Variants in DCTN1 observed in about 807,000 individuals in gnomAD.
DCTN1 encodes 150 kDa dynein-associated polypeptide.
A neutral mutation model predicts 161.2 loss-of-function variants in DCTN1; 61 were observed. That is an observed-to-expected ratio of 0.38 (90% CI 0.31 to 0.47). DCTN1 has a LOEUF of 0.47. Among genes scored for constraint, DCTN1 ranks in the 20% least tolerant of loss-of-function variants. The probability of loss-of-function intolerance (pLI) is 0.99; values close to 1 mark genes in which losing one functional copy is unlikely to be tolerated. For synonymous variants in DCTN1, 653 were observed against 632.4 expected (o/e 1.03, Z -0.49); for missense variants, 1,404 against 1,623.7 (o/e 0.86, Z 2.33).
chr2:74,381,526 G>A (rs182002698), upstream of DCTN1, among the ~76,000 whole-genome samples: 6 of 152,070 alleles, frequency 3.9e-5, no homozygotes, highest in East Asian at 3.9e-4. Context: ...TCTCCATGTC[G>A]CCCCCTCCTT....
Position 74,361,186 on chromosome 2 carries a change from T to G in DCTN1, c.*313A>C. The G allele has an allele frequency of 2.1e-6, 1 of 486,338 alleles. No homozygotes were observed. The highest frequency in any genetic ancestry group is 4.0e-6 in the Non-Finnish European group (1 of 251,650). The allele number at this position is 486,338 out of a possible 1,614,324, so 30.1% of individuals were successfully genotyped here. On this transcript the variant is annotated 3_prime_UTR_variant, in exon 32 of 32. Transcript: ENST00000628224. ...AGCAGAAGTTGCTTTAATCAAGGGG[T>G]GAAGTCCTCAATCAAGGGGACCTCA...
intron 20 of DCTN1, 46 bp from the exon 21 acceptor site, chr2:74,366,978 G>C (rs747707979): frequency 1.2e-6 from 2 of 1,614,164 alleles, no homozygotes; most frequent in Admixed American, 3.3e-5. Flanking sequence ...TTAGCATTAA[G>C]GCTCGGAGTA....
rs755052321 is a variant in DCTN1 at position 74,377,422 on chromosome 2, A to C, written c.393+10T>G. 3.1e-6 allele frequency: 5 copies of C among 1,611,866 alleles called. No individual in the cohort carries two copies. The East Asian group carries it at 1.1e-4, about 36-fold the overall frequency. On this transcript the variant is annotated intron_variant, in intron 4 of 31. Coordinates refer to ENST00000628224, the MANE Select transcript of DCTN1 (RefSeq NM_004082.5). ...TTATTATTCCCCATTCCCACCCCCA[A>C]ATCACTCACCAGTTTGCTAGTCTTT...
At chr2:74,382,371 C>T (rs945447358), upstream of DCTN1, among the ~76,000 whole-genome samples, 2 of 151,654 alleles carry the variant, frequency 1.3e-5, no homozygotes, top group African/African-American at 2.4e-5. Context: ...AGGCTGAGGC[C>T]GGTGGCTCAC....
intron 1 of DCTN1, among the ~76,000 whole-genome samples, chr2:74,389,466 C>T (rs1675894078): frequency 6.6e-6 from 1 of 152,126 alleles, no homozygotes; most frequent in Non-Finnish European, 1.5e-5. Context: ...CTCCAAGCAG[C>T]TGCTAGCAAT....
At position 74,366,873 on chromosome 2, in the gene DCTN1, A is replaced by ACTT. The variant is rs1674454255; in HGVS notation, c.2375_2376insAAG (p.Cys791_Ser792insArg). The ACTT allele has an allele frequency of 6.2e-7, 1 of 1,614,204 alleles. No individual in the cohort carries two copies. Among genetic ancestry groups the ACTT allele is most frequent in the Non-Finnish European group, 8.5e-7 (1 of 1,180,038 alleles). ...TCTTCTTGCAGAACTGGCGGATGTC[A>ACTT]CTGCATGAAGTTTCCAGATCCCGGA... On this transcript the variant is annotated inframe_insertion, in exon 21 of 32. Transcript: ENST00000628224.
At chr2:74,374,747 A>G in intron 5 of DCTN1, 1 of 1,160,532 alleles carries the variant, frequency 8.6e-7, no homozygotes. Context: ...CTCCTCAGTC[A>G]CCTAGCAACC....
Position 74,366,444 on chromosome 2 carries a change from G to A in DCTN1, c.2628+15C>T. ...TAACTCTCCCCACACCTTCTACCCAGCCATCCAGGCCCACCTGCTCGCTTG... is the reference window on the plus strand; with the variant it reads ...TAACTCTCCCCACACCTTCTACCCAACCATCCAGGCCCACCTGCTCGCTTG... On this transcript the variant is annotated intron_variant, in intron 22 of 31. Coordinates refer to ENST00000628224, the MANE Select transcript of DCTN1 (RefSeq NM_004082.5). The A allele has an allele frequency of 1.2e-6, 2 of 1,614,204 alleles. No individual in the cohort carries two copies. Among genetic ancestry groups the A allele is most frequent in the Non-Finnish European group, 1.7e-6 (2 of 1,180,046 alleles).
At chr2:74,374,217 G>A (rs567736946) in intron 6 of DCTN1, 106 bp downstream of exon 6, 33 of 1,273,050 alleles carry the variant, frequency 2.6e-5, no homozygotes, top group East Asian at 1.2e-4. Flanking sequence ...CCGCCTCCCC[G>A]ACCAGGTAGA....
intron 1 of DCTN1, among the ~76,000 whole-genome samples, chr2:74,387,733 T>C (rs1488365067): frequency 6.6e-6 from 1 of 152,116 alleles, no homozygotes; most frequent in East Asian, 1.9e-4. Context: ...TCTATGATAT[T>C]ACAAGAGTCT....
intron 24 of DCTN1, 115 bp from the exon 25 acceptor site, chr2:74,365,772 T>G (rs1674361133): frequency 6.2e-7 from 1 of 1,610,918 alleles, no homozygotes; most frequent in Admixed American, 1.7e-5. Flanking sequence ...TCCCATTGAT[T>G]GCAGGCCCCA....
intron 1 of DCTN1, 122 bp downstream of exon 1, chr2:74,379,883 C>T: frequency 9.8e-7 from 1 of 1,019,378 alleles, no homozygotes; most frequent in East Asian, 2.5e-5. Context: ...TTAGAAAACA[C>T]AGTCTGAGTG....
chr2:74,365,905 T>G lies in DCTN1; in HGVS notation c.2874A>C (p.Ser958=), dbSNP rs1674370725. The G allele has an allele frequency of 5.6e-6, 9 of 1,614,208 alleles. No individual in the cohort carries two copies. Among genetic ancestry groups the G allele is most frequent in the Non-Finnish European group, 7.6e-6 (9 of 1,180,034 alleles). ...ACACTACCCTCACCTTAATCTTGAG[T>G]GACTTCTTCAACTCCTTAATAACTG... ...RETVIKELKK[S]LKIKGEELSE... The change falls in exon 24 of 32, where the codon TCA becomes TCC. Residue 958 remains serine, a synonymous_variant. Transcript: ENST00000628224.
At position 74,363,308 on chromosome 2, in the gene DCTN1, T is replaced by A. The variant is rs756248182; in HGVS notation, c.3331A>T (p.Asn1111Tyr). The A allele has an allele frequency of 3.1e-6, 5 of 1,613,968 alleles. No individual in the cohort carries two copies. In the South Asian group the frequency reaches 5.5e-5, roughly 18 times the overall value. Residue 1111 changes from asparagine (N) to tyrosine (Y), a missense_variant, in exon 28 of 32, where the codon AAC (asparagine) becomes TAC (tyrosine). Asn to Tyr is a moderately radical substitution (Grantham distance 143, BLOSUM62 -2). Coordinates refer to ENST00000628224, the MANE Select transcript of DCTN1 (RefSeq NM_004082.5). ...RLHISQLQHENSILKGAQMKA... is the reference protein window; with the variant it reads ...RLHISQLQHEYSILKGAQMKA... ...GGCTCCCTCACCTTGAGGATGCTGT[T>A]CTCATGCTGGAGCTGGGAGATGTGC...
Position 74,369,880 on chromosome 2 carries a change from C to T in DCTN1, c.1392+85G>A. 3 of 1,367,524 alleles carry T rather than the reference C, an allele frequency of 2.2e-6. No homozygotes were observed. Among genetic ancestry groups the T allele is most frequent in the Non-Finnish European group, 3.1e-6 (3 of 961,482 alleles). 84.7% of individuals were successfully genotyped at this position (1,367,524 alleles called of 1,614,324 possible). A position where few individuals can be genotyped will look rare whatever the true frequency, so the allele number is the denominator to read the frequency against. ...AGCCCAGGCTGGGTCCCTCACCGCA[C>T]ACCCTGCTCAAAGGCCAAGGGTCAC... On this transcript the variant is annotated intron_variant, in intron 13 of 31. Transcript: ENST00000628224. This position sits in a 1 kb window ranked among gnomAD's most constrained non-coding sequence, Gnocchi z 4.9.
intron 7 of DCTN1, among the ~76,000 whole-genome samples, chr2:74,372,599 T>C (rs1193330095): frequency 1.3e-5 from 2 of 152,258 alleles, no homozygotes; most frequent in Non-Finnish European, 2.9e-5. Context: ...ACATTTTACA[T>C]GGCCAAGTTC....
rs772261569 is a variant in DCTN1 at position 74,361,252 on chromosome 2, GCCCTGAGGC to G, written c.*238_*246del. 1.1e-5 allele frequency: 7 copies of G among 649,294 alleles called. No individual in the cohort carries two copies. In the East Asian group the frequency reaches 2.2e-4, roughly 20 times the overall value. 40.2% of individuals were successfully genotyped at this position (649,294 alleles called of 1,614,324 possible). A position where few individuals can be genotyped will look rare whatever the true frequency, so the allele number is the denominator to read the frequency against. On this transcript the variant is annotated 3_prime_UTR_variant, in exon 32 of 32. Coordinates refer to ENST00000628224, the MANE Select transcript of DCTN1 (RefSeq NM_004082.5). Reference sequence around the variant, plus strand: ...TGGGGTCTCAGCCTACCCCCCACAAGCCCTGAGGCCCCTCAGGAAGGAGGGAGCAGTTGA... The same window carrying G: ...TGGGGTCTCAGCCTACCCCCCACAAGCCCTCAGGAAGGAGGGAGCAGTTGA...
intron 5 of DCTN1, among the ~76,000 whole-genome samples, chr2:74,376,509 G>GA (rs1460580046): frequency 6.6e-6 from 1 of 152,194 alleles, no homozygotes; most frequent in Non-Finnish European, 1.5e-5. Flanking sequence ...TCTTTGACTT[G>GA]GAGTCCTGGG....
rs550029604 is a variant in DCTN1 at position 74,366,632 on chromosome 2, G to C, written c.2467-12C>G. 1 of 1,612,360 alleles carries C rather than the reference G, an allele frequency of 6.2e-7. No homozygotes were observed. The highest frequency in any genetic ancestry group is 1.7e-5 in the Admixed American group (1 of 60,032). ...AGCGTGTCAGATACCTGTGTGCCAG[G>C]CCAGAGTCAGGAGTCAACCCTGGGT... On this transcript the variant is annotated splice_polypyrimidine_tract_variant and intron_variant, in intron 21 of 31. Coordinates refer to ENST00000628224, the MANE Select transcript of DCTN1 (RefSeq NM_004082.5).
Sources: gnomAD v4.1 joint callset for allele counts (sites outside exome capture counted in the v4.1 genomes callset) on GRCh38, gnomAD v4.1.1 for gene constraint, Gnocchi (gnomAD v3.1) non-coding constraint, MANE v1.5 for transcripts, NCBI Gene and HGNC (gene_info 2026-07-23, HGNC 2026-07-21) for gene names.